CSMD1: variants seen among roughly 807,000 people sequenced by gnomAD.
The protein encoded by CSMD1 is CUB and Sushi multiple domains 1.
Under a neutral mutation model 417.5 loss-of-function variants are expected in CSMD1, and 213 were observed. The ratio of observed to expected loss-of-function variants is 0.51; its 90% confidence interval spans 0.46 to 0.57. CSMD1 has a LOEUF of 0.57. CSMD1 is among the 20% of genes least tolerant of loss of function. The probability of loss-of-function intolerance (pLI) is 0.00; values close to 1 mark genes in which losing one functional copy is unlikely to be tolerated. For synonymous variants in CSMD1, 2,862 were observed against 1,736.8 expected (o/e 1.65, Z -16.11); for missense variants, 6,923 against 4,529.7 (o/e 1.53, Z -15.17).
chr8:4,225,868 T>G (rs377583775), intron 3 of CSMD1, among the ~76,000 whole-genome samples: 2 of 152,204 alleles, frequency 1.3e-5, no homozygotes, highest in African/African-American at 4.8e-5. Flanking sequence ...TAACTGTGCA[T>G]ATATTTGGAT....
At chr8:4,171,605 G>T (rs1185295593) in intron 3 of CSMD1, among the ~76,000 whole-genome samples, 1 of 151,470 alleles carries the variant, frequency 6.6e-6, no homozygotes, top group Non-Finnish European at 1.5e-5. Context: ...TTAGGGGACG[G>T]TCCCACTAAA....
At chr8:4,549,732 T>G (rs1797781849) in intron 2 of CSMD1, among the ~76,000 whole-genome samples, 1 of 151,098 alleles carries the variant, frequency 6.6e-6, no homozygotes, top group African/African-American at 2.4e-5. Context: ...CTACTATAAA[T>G]CTATAAATAC....
chr8:3,623,979 A>C (rs1796377046), intron 7 of CSMD1, among the ~76,000 whole-genome samples: 2 of 151,538 alleles, frequency 1.3e-5, no homozygotes, highest in Non-Finnish European at 2.9e-5. Context: ...TCCACAAAAA[A>C]ACAAAACAAA....
At chr8:4,025,264 C>T (rs1797003033) in intron 4 of CSMD1, among the ~76,000 whole-genome samples, 1 of 152,218 alleles carries the variant, frequency 6.6e-6, no homozygotes, top group Non-Finnish European at 1.5e-5. Context: ...TGCTTCCTTT[C>T]TACCTTCTTG....
chr8:4,226,548 T>C (rs1012159383), intron 3 of CSMD1, among the ~76,000 whole-genome samples: 7 of 152,158 alleles, frequency 4.6e-5, no homozygotes, highest in African/African-American at 1.7e-4. Context: ...TAAAAAATCA[T>C]GGATACCATA....
At chr8:4,422,729 GAA>G (rs1213305966) in intron 2 of CSMD1, among the ~76,000 whole-genome samples, 1 of 151,640 alleles carries the variant, frequency 6.6e-6, no homozygotes, top group South Asian at 2.1e-4. Context: ...GATAAACACA[GAA>G]AAAAGAAAAA....
intron 26 of CSMD1, among the ~76,000 whole-genome samples, chr8:3,249,328 T>G (rs1037026995): frequency 6.6e-6 from 1 of 152,128 alleles, no homozygotes; most frequent in Non-Finnish European, 1.5e-5. Flanking sequence ...TTCATGTGAT[T>G]CTCAATGCCT....
intron 3 of CSMD1, among the ~76,000 whole-genome samples, chr8:4,164,840 C>G (rs1422797538): frequency 1.3e-5 from 2 of 150,638 alleles, no homozygotes; most frequent in Admixed American, 6.6e-5. Flanking sequence ...TGTGCCACTG[C>G]ACTCCAAGCC....
At chr8:3,331,567 A>T (rs1171759622) in intron 23 of CSMD1, among the ~76,000 whole-genome samples, 3 of 152,234 alleles carry the variant, frequency 2.0e-5, no homozygotes, top group Non-Finnish European at 4.4e-5. Context: ...AACTGAAAAT[A>T]ACAAAAGGAT....
chr8:3,908,645 G>A (rs1310314479), intron 5 of CSMD1, among the ~76,000 whole-genome samples: 1 of 151,956 alleles, frequency 6.6e-6, no homozygotes, highest in African/African-American at 2.4e-5. Flanking sequence ...CTTATTTTTT[G>A]TAATTGCTCT....
Position 3,401,996 on chromosome 8 carries a change from C to T in CSMD1, c.2267-2467G>A, listed in dbSNP as rs547303190. 7.2e-5 allele frequency among the ~76,000 whole-genome samples: 11 copies of T among 151,936 alleles called. No individual in the cohort carries two copies. In the South Asian group the frequency reaches 2.1e-3, roughly 29 times the overall value. ...TGATTTAAATTACAGTGATGAATTC[C>T]CTGATACTGTATTTCTAAAATACAC... On this transcript the variant is annotated intron_variant, in intron 15 of 69. Coordinates refer to ENST00000635120, the MANE Select transcript of CSMD1 (RefSeq NM_033225.6).
intron 10 of CSMD1, among the ~76,000 whole-genome samples, chr8:3,501,739 T>A (rs905752736): frequency 6.6e-6 from 1 of 152,216 alleles, no homozygotes; most frequent in African/African-American, 2.4e-5. Flanking sequence ...ATTAACACGG[T>A]TGCAAGAAGA....
chr8:3,494,168 G>T (rs1028022393), intron 10 of CSMD1, among the ~76,000 whole-genome samples: 2 of 151,932 alleles, frequency 1.3e-5, no homozygotes, highest in African/African-American at 4.8e-5. Context: ...ATCCATATTA[G>T]CACCCCAAAA....
chr8:4,715,066 C>G (rs1563203092), intron 1 of CSMD1, among the ~76,000 whole-genome samples: 1 of 152,030 alleles, frequency 6.6e-6, no homozygotes, highest in Non-Finnish European at 1.5e-5. Flanking sequence ...TTATTTAAGT[C>G]CAGATAATTA....
intron 1 of CSMD1, among the ~76,000 whole-genome samples, chr8:4,889,579 G>C (rs995384605): frequency 7.2e-5 from 11 of 151,880 alleles, no homozygotes; most frequent in Admixed American, 5.9e-4. Context: ...CTATAAGTGT[G>C]AAATGTCAAA....
intron 3 of CSMD1, among the ~76,000 whole-genome samples, chr8:4,344,709 C>T (rs1260291368): frequency 6.6e-6 from 1 of 151,956 alleles, no homozygotes; most frequent in East Asian, 1.9e-4. Context: ...AATAAAAAGG[C>T]ATATCCATCA....
At chr8:3,718,483 G>A (rs1801965333) in intron 6 of CSMD1, among the ~76,000 whole-genome samples, 1 of 152,216 alleles carries the variant, frequency 6.6e-6, no homozygotes, top group Non-Finnish European at 1.5e-5. Flanking sequence ...AGGAAAGACA[G>A]AGGTACTTAC....
chr8:4,129,612 C>G (rs938362861), intron 3 of CSMD1, among the ~76,000 whole-genome samples: 1 of 152,066 alleles, frequency 6.6e-6, no homozygotes, highest in Admixed American at 6.5e-5. Context: ...CTGACCTACT[C>G]TGACTTGTTT....
At chr8:3,367,317 G>A (rs1248948453) in intron 19 of CSMD1, 70 bp from the exon 20 acceptor site, 1 of 961,202 alleles carries the variant, frequency 1.0e-6, no homozygotes, top group Non-Finnish European at 1.6e-6. Flanking sequence ...GGCAGAGAGG[G>A]AGCGGGGCAG....
Sources: gnomAD v4.1 joint callset for allele counts (sites outside exome capture counted in the v4.1 genomes callset) on GRCh38, gnomAD v4.1.1 for gene constraint, MANE v1.5 for transcripts, NCBI Gene and HGNC (gene_info 2026-07-23, HGNC 2026-07-21) for gene names.